The following PUDP variants were observed in gnomAD, a reference collection of about 807,000 sequenced individuals.
PUDP encodes pseudouridine 5'-phosphatase.
Under a neutral mutation model 9.4 loss-of-function variants are expected in PUDP, and 8 were observed. The observed-to-expected ratio is 0.85, with a 90% confidence interval of 0.50 to 1.53. The LOEUF (loss-of-function observed/expected upper bound fraction) is 1.53. PUDP is among the 40% of genes most tolerant of loss of function. The probability of loss-of-function intolerance (pLI) is 0.00; values close to 1 mark genes in which losing one functional copy is unlikely to be tolerated. For synonymous variants in PUDP, 99 were observed against 80.7 expected, an observed-to-expected ratio of 1.23 and a Z score of -1.22; for missense variants, 188 against 189.7, an observed-to-expected ratio of 0.99 and a Z score of 0.05.
Position 7,129,621 on chromosome X carries a change from T to C in PUDP, c.61+18432A>G, listed in dbSNP as rs1932569120. On this transcript the variant is annotated intron_variant, in intron 1 of 3. Transcript: ENST00000381077. ...TTCCCTGAAGGCAAGAGGAATGGGA[T>C]GCAACAACAGTGACCAGTGACCATC... 2.7e-5 allele frequency among the ~76,000 whole-genome samples: 3 copies of C among 112,529 alleles called. 1 individual carries two copies. The highest frequency in any genetic ancestry group is 5.6e-5 in the Non-Finnish European group (3 of 53,331).
At chrX:6,748,119 G>A in intron 3 of PUDP, among the ~76,000 whole-genome samples, 1 of 111,770 alleles carries the variant, frequency 8.9e-6, no homozygotes. Flanking sequence ...CATAAACCCT[G>A]TCATCTTCAT....
intron 3 of PUDP, among the ~76,000 whole-genome samples, chrX:6,840,055 T>A (rs956762045): frequency 9.0e-6 from 1 of 111,390 alleles, no homozygotes; most frequent in Non-Finnish European, 1.9e-5. Flanking sequence ...CTCCCATAAT[T>A]CCCATGTGTT....
intron 1 of PUDP, among the ~76,000 whole-genome samples, chrX:6,715,279 T>C (rs998322151): frequency 2.7e-5 from 3 of 111,036 alleles, no homozygotes; most frequent in African/African-American, 9.8e-5. Context: ...CAGCATTCCA[T>C]TGTGTGGCTA....
intron 2 of PUDP, among the ~76,000 whole-genome samples, chrX:7,079,271 A>G (rs889642428): frequency 8.9e-6 from 1 of 112,810 alleles, no homozygotes; most frequent in African/African-American, 3.2e-5. Context: ...TCAGTTCATC[A>G]ATAAGACATA....
chrX:6,760,201 C>G (rs1330366870), intron 3 of PUDP, among the ~76,000 whole-genome samples: 1 of 111,527 alleles, frequency 9.0e-6, no homozygotes, highest in Admixed American at 9.5e-5. Flanking sequence ...TTCAGCTGTC[C>G]CTCTTTTCTC....
intron 3 of PUDP, among the ~76,000 whole-genome samples, chrX:6,914,597 C>CA (rs1213878457): frequency 1.8e-5 from 2 of 112,072 alleles, no homozygotes; most frequent in African/African-American, 6.5e-5. Context: ...CCTGCAGGAA[C>CA]AATGGTGGCC....
At chrX:6,837,061 T>C (rs1926594104) in intron 3 of PUDP, among the ~76,000 whole-genome samples, 1 of 112,399 alleles carries the variant, frequency 8.9e-6, no homozygotes, top group Admixed American at 9.4e-5. Flanking sequence ...AATTGTGCAA[T>C]CCATGTCACA....
At position 7,117,935 on chromosome X, in the gene PUDP, G is replaced by A. The variant is rs953550410; in HGVS notation, c.62-12097C>T. Among the ~76,000 whole-genome samples, 7 of 113,166 alleles carry A rather than the reference G, an allele frequency of 6.2e-5. No homozygotes were observed. In the Admixed American group the frequency reaches 6.5e-4, roughly 10 times the overall value. ...CAGGGCTCAAAGGGAGCTCATCCTG[G>A]TGCTCTGTAGGCACACAAGCCACAC... On this transcript the variant is annotated intron_variant, in intron 1 of 3. Transcript: ENST00000381077.
At chrX:6,723,473 C>T (rs868284626), upstream of PUDP, among the ~76,000 whole-genome samples, 167 of 59,296 alleles carry the variant, frequency 2.8e-3, no homozygotes, top group African/African-American at 9.2e-3. Flanking sequence ...AAGAAAAAAA[C>T]AAGTGGCATA....
At chrX:7,139,720 T>C (rs1415288920) in intron 1 of PUDP, among the ~76,000 whole-genome samples, 1 of 112,062 alleles carries the variant, frequency 8.9e-6, no homozygotes, top group Non-Finnish European at 1.9e-5. Flanking sequence ...TGAACAGCTA[T>C]GTCATCTGCA....
At chrX:6,824,217 C>A (rs892537366) in intron 3 of PUDP, among the ~76,000 whole-genome samples, 1 of 111,282 alleles carries the variant, frequency 9.0e-6, no homozygotes, top group Non-Finnish European at 1.9e-5. Context: ...GGGCTTTCCC[C>A]CCTTTTGCTC....
chrX:6,782,354 G>A (rs7878405), intron 3 of PUDP, among the ~76,000 whole-genome samples: 20,237 of 110,571 alleles, frequency 0.18, 1,916 homozygotes, highest in African/African-American at 0.36. Context: ...TTGATCACCT[G>A]AGGTCAGGAA....
intron 3 of PUDP, among the ~76,000 whole-genome samples, chrX:6,747,503 G>A (rs1329320425): frequency 8.9e-6 from 1 of 111,874 alleles, no homozygotes; most frequent in Non-Finnish European, 1.9e-5. Flanking sequence ...ATTGATCATT[G>A]GCTAATGTTA....
At chrX:6,782,289 G>T (rs1925576127) in intron 3 of PUDP, among the ~76,000 whole-genome samples, 1 of 111,363 alleles carries the variant, frequency 9.0e-6, no homozygotes, top group Admixed American at 9.6e-5. Context: ...ACATCTAATT[G>T]CCGGGCACAG....
At chrX:7,035,414 T>C (rs1238684575) in intron 1 of PUDP, among the ~76,000 whole-genome samples, 1 of 111,873 alleles carries the variant, frequency 8.9e-6, no homozygotes, top group African/African-American at 3.2e-5. Context: ...ACAATGTATA[T>C]TGGAATCTTG....
At chrX:6,715,506 C>T (rs916285906) in intron 1 of PUDP, among the ~76,000 whole-genome samples, 4 of 111,906 alleles carry the variant, frequency 3.6e-5, no homozygotes, top group Non-Finnish European at 5.6e-5. Flanking sequence ...TGATACATGC[C>T]GGTATATTAC....
At chrX:7,028,520 A>G (rs1929749581) in intron 1 of PUDP, among the ~76,000 whole-genome samples, 1 of 111,193 alleles carries the variant, frequency 9.0e-6, no homozygotes, top group African/African-American at 3.3e-5. Context: ...TGGTCTGTGT[A>G]AAGATGTTCT....
chrX:7,052,546 T>C (rs1294573804), intron 3 of PUDP, among the ~76,000 whole-genome samples: 1 of 112,077 alleles, frequency 8.9e-6, no homozygotes, highest in Non-Finnish European at 1.9e-5. Context: ...GCCAGCACAA[T>C]GACTTTTTTC....
At chrX:7,016,139 C>G (rs1929545382) in intron 1 of PUDP, among the ~76,000 whole-genome samples, 1 of 106,641 alleles carries the variant, frequency 9.4e-6, no homozygotes. Flanking sequence ...AAGACCAGCC[C>G]GGGTAACATT....
Sources: allele counts gnomAD v4.1 joint callset (sites outside exome capture counted in the v4.1 genomes callset), GRCh38; gene constraint gnomAD v4.1.1; transcripts MANE v1.5; gene names NCBI Gene and HGNC (gene_info 2026-07-23, HGNC 2026-07-21).